The following TRAPPC11 variants were observed in gnomAD, a reference collection of about 807,000 sequenced individuals.
TRAPPC11 encodes the protein foie gras homolog.
A neutral mutation model predicts 151.2 loss-of-function variants in TRAPPC11; 104 were observed. That is an observed-to-expected ratio of 0.69 (90% confidence interval 0.59 to 0.81). The LOEUF (loss-of-function observed/expected upper bound fraction) is 0.81, where lower values mean the gene tolerates loss of function less well. TRAPPC11 is among the 30% of genes least tolerant of loss of function. The probability of loss-of-function intolerance (pLI) is 0.00; values close to 1 mark genes in which losing one functional copy is unlikely to be tolerated. For synonymous variants in TRAPPC11, 456 were observed against 472.3 expected (o/e 0.97, Z 0.45); for missense variants, 1,230 against 1,349.6 (o/e 0.91, Z 1.39).
At chr4:183,661,877 T>C (rs529227734) in intron 1 of TRAPPC11, among the ~76,000 whole-genome samples, 1 of 149,966 alleles carries the variant, frequency 6.7e-6, no homozygotes, top group African/African-American at 2.4e-5. Flanking sequence ...TCCTCCCATC[T>C]CAGCCTCCCA....
At position 183,697,506 on chromosome 4, in the gene TRAPPC11, G is replaced by A. The variant is rs1736594352; in HGVS notation, c.2632G>A (p.Glu878Lys). The A allele has an allele frequency of 6.3e-7, 1 of 1,596,204 alleles. No individual in the cohort carries two copies. Among genetic ancestry groups the A allele is most frequent in the African/African-American group, 1.4e-5 (1 of 73,630 alleles). Residue 878 changes from glutamate (E) to lysine (K), a missense_variant, in exon 24 of 30, where the codon GAA becomes AAA. Physicochemically the swap from Glu to Lys is moderately conservative, Grantham distance 56. Transcript: ENST00000334690. Reference sequence around the variant, plus strand: ...TGCCCTTTACATTTTCTTGCAGGATGAAACTGTAACAATTGAAACAGTCTT... The same window carrying A: ...TGCCCTTTACATTTTCTTGCAGGATAAAACTGTAACAATTGAAACAGTCTT... Reference protein sequence around the residue: ...KEIVCKCHKDETVTIETVFPF... With the variant: ...KEIVCKCHKDKTVTIETVFPF...
chr4:183,711,824 G>T (rs1244742312), intron 29 of TRAPPC11, among the ~76,000 whole-genome samples: 13 of 152,138 alleles, frequency 8.5e-5, no homozygotes, highest in Admixed American at 6.5e-4. Context: ...CCCCACAAAG[G>T]TCTGCTATTG....
intron 29 of TRAPPC11, among the ~76,000 whole-genome samples, chr4:183,710,966 G>A (rs911067804): frequency 9.9e-5 from 15 of 152,036 alleles, no homozygotes; most frequent in African/African-American, 3.6e-4. Flanking sequence ...GGAAGACAGA[G>A]GTTGCAGTGA....
Position 183,693,066 on chromosome 4 carries a change from C to T in TRAPPC11, c.2156C>T (p.Ala719Val). 1 of 1,613,550 alleles carries T rather than the reference C, an allele frequency of 6.2e-7. No homozygotes were observed. Among genetic ancestry groups the T allele is most frequent in the Non-Finnish European group, 8.5e-7 (1 of 1,179,674 alleles). Residue 719 changes from alanine (A) to valine (V), a missense_variant, in exon 20 of 30, where the codon GCA becomes GTA. Transcript: ENST00000334690. ...GCTTCCTCCCAAGAAGCCTTACAGG[C>T]AGCTCGGTCTTTCAAAAGGCGACCT... is the stretch of plus-strand genomic sequence containing the variant. Reference protein sequence around the residue: ...DAASSQEALQAARSFKRRPKL... With the variant: ...DAASSQEALQVARSFKRRPKL...
Position 183,666,266 on chromosome 4 carries a change from T to A in TRAPPC11, c.214T>A (p.Tyr72Asn). The change falls in exon 3 of 30, where the codon TAT becomes AAT. Residue 72 changes from tyrosine (Y) to asparagine (N), a missense_variant. By Grantham distance (143) the Tyr-to-Asn change is moderately radical. Transcript: ENST00000334690. ...CTGCCAATGTTTGCAGAGAACTTCA[T>A]ATGAGTGGTACATTCCTAAAGGGAT... The part of the protein sequence containing the change: ...YPKCRPKRTS[Y>N]EWYIPKGILK... 6.2e-7 allele frequency: 1 copy of A among 1,611,542 alleles called. No individual in the cohort carries two copies. Among genetic ancestry groups the A allele is most frequent in the Non-Finnish European group, 8.5e-7 (1 of 1,179,126 alleles).
chr4:183,675,292 T>G, intron 7 of TRAPPC11, 55 bp downstream of exon 7: 1 of 1,152,206 alleles, frequency 8.7e-7, no homozygotes, highest in African/African-American at 1.6e-5. Context: ...CAATAACATG[T>G]GATGGAAATT....
At chr4:183,665,306 G>T (rs1366913356) in intron 2 of TRAPPC11, among the ~76,000 whole-genome samples, 5 of 151,944 alleles carry the variant, frequency 3.3e-5, no homozygotes, top group African/African-American at 7.3e-5. Context: ...GTGTTAGCCA[G>T]GATGGTCTCG....
chr4:183,701,743 A>G lies in TRAPPC11; in HGVS notation c.2898A>G (p.Gln966=), dbSNP rs139144320. The change falls in exon 26 of 30, where the codon CAA becomes CAG. Residue 966 remains glutamine (Q), a synonymous_variant. Coordinates refer to ENST00000334690, the MANE Select transcript of TRAPPC11 (RefSeq NM_021942.6). The part of the protein sequence containing the change: ...GESASECFCL[Q]CPSLGNIEGG... ...GTGCTAGTGAATGCTTTTGTCTTCA[A>G]TGCCCATCTCTTGGAAATATTGAAG... 6.2e-6 allele frequency: 10 copies of G among 1,613,942 alleles called. No individual in the cohort carries two copies. Among genetic ancestry groups the G allele is most frequent in the African/African-American group, 5.3e-5 (4 of 74,924 alleles).
chr4:183,664,825 T>C (rs2111293632), intron 2 of TRAPPC11, among the ~76,000 whole-genome samples: 1 of 152,250 alleles, frequency 6.6e-6, no homozygotes. Context: ...TTTTTTTCTT[T>C]TGCCCTAGAG....
intron 25 of TRAPPC11, among the ~76,000 whole-genome samples, chr4:183,700,217 A>G (rs1160434781): frequency 6.6e-6 from 1 of 152,176 alleles, no homozygotes; most frequent in Non-Finnish European, 1.5e-5. Context: ...TTAAAAGACG[A>G]TCTCTAGAGG....
chr4:183,673,492 G>A (rs1256107439), intron 5 of TRAPPC11, among the ~76,000 whole-genome samples: 1 of 151,960 alleles, frequency 6.6e-6, no homozygotes, highest in African/African-American at 2.4e-5. Context: ...TGGGCAACAT[G>A]GTGAAACCCC....
intron 23 of TRAPPC11, among the ~76,000 whole-genome samples, chr4:183,694,945 CTTT>C (rs34556587): frequency 1.7e-5 from 2 of 119,854 alleles, no homozygotes. Context: ...TATGGCTTTT[CTTT>C]TTTTTTTTTT....
chr4:183,693,467 A>G, intron 20 of TRAPPC11, 122 bp from the exon 21 acceptor site: 1 of 1,113,386 alleles, frequency 9.0e-7, no homozygotes, highest in Non-Finnish European at 1.3e-6. Context: ...CAGTCTCCCA[A>G]AATGCTGGGA....
intron 8 of TRAPPC11, among the ~76,000 whole-genome samples, chr4:183,678,279 G>A (rs1403491874): frequency 6.6e-6 from 1 of 152,184 alleles, no homozygotes; most frequent in Non-Finnish European, 1.5e-5. Flanking sequence ...TTTATTTTGA[G>A]ATTGTCTATC....
At chr4:183,663,741 T>C (rs1030282597) in intron 1 of TRAPPC11, 106 bp from the exon 2 acceptor site, 1 of 503,746 alleles carries the variant, frequency 2.0e-6, no homozygotes, top group East Asian at 3.4e-5. Flanking sequence ...GAGTTGTTTT[T>C]TTTTTTTTTT....
chr4:183,670,426 G>A (rs1018097209), intron 5 of TRAPPC11, among the ~76,000 whole-genome samples: 1 of 152,068 alleles, frequency 6.6e-6, no homozygotes, highest in Non-Finnish European at 1.5e-5. Flanking sequence ...TTCCTCTTAG[G>A]ACAATAGGCT....
In TRAPPC11 at chr4:183,697,330, T is replaced by A. The variant is rs369807115; in HGVS notation, c.2629-173T>A. ...TGTCTCCCAAAGGAAAAAAAAAAAA[T>A]TAGTACTCAGTTCTCTCGACACAGA... On this transcript the variant is annotated intron_variant, in intron 23 of 29. Transcript: ENST00000334690. Among the ~76,000 whole-genome samples, 75 of 151,748 alleles carry A rather than the reference T, an allele frequency of 4.9e-4. No homozygotes were observed. In the East Asian group the frequency reaches 7.2e-3, roughly 14 times the overall value.
chr4:183,659,789 G>A (rs1457906380), intron 1 of TRAPPC11, among the ~76,000 whole-genome samples: 2 of 151,936 alleles, frequency 1.3e-5, no homozygotes, highest in African/African-American at 2.4e-5. Flanking sequence ...ACATCATTTC[G>A]TCCCCACACT....
intron 23 of TRAPPC11, among the ~76,000 whole-genome samples, chr4:183,695,484 A>G (rs1736492874): frequency 6.6e-6 from 1 of 152,214 alleles, no homozygotes; most frequent in Non-Finnish European, 1.5e-5. Flanking sequence ...GGCAACTGCT[A>G]ACTCTTTGTG....
Sources: gnomAD v4.1 joint callset for allele counts (sites outside exome capture counted in the v4.1 genomes callset) on GRCh38, gnomAD v4.1.1 for gene constraint, MANE v1.5 for transcripts, NCBI Gene and HGNC (gene_info 2026-07-23, HGNC 2026-07-21) for gene names.